The following CYP26B1 variants were observed in gnomAD, a reference collection of about 807,000 sequenced individuals.
CYP26B1 encodes the protein cytochrome P450 family 26 subfamily B member 1, also known as cytochrome P450 26B1.
A neutral mutation model predicts 39.1 loss-of-function variants in CYP26B1; 8 were observed. The ratio of observed to expected loss-of-function variants is 0.20; its 90% confidence interval spans 0.12 to 0.37. The LOEUF (loss-of-function observed/expected upper bound fraction) is 0.37, where lower values mean the gene tolerates loss of function less well. Ranked by LOEUF, CYP26B1 falls within the 10% of genes least tolerant of loss-of-function variation. The pLI is 1.00. For synonymous variants in CYP26B1, 321 were observed against 314.3 expected (o/e 1.02, Z -0.23); for missense variants, 615 against 707.0 (o/e 0.87, Z 1.48).
chr2:72,140,179 G>A (rs1304172557), intron 2 of CYP26B1, among the ~76,000 whole-genome samples: 1 of 152,184 alleles, frequency 6.6e-6, no homozygotes, highest in Non-Finnish European at 1.5e-5. Context: ...TTGGGAGAAG[G>A]ACACAGAAAG....
chr2:72,147,758 A>C lies in CYP26B1; in HGVS notation c.77T>G (p.Leu26Arg). 1 of 1,585,462 alleles carries C rather than the reference A, an allele frequency of 6.3e-7. No individual in the cohort carries two copies. Among genetic ancestry groups the C allele is most frequent in the Non-Finnish European group, 8.6e-7 (1 of 1,166,838 alleles). Residue 26 changes from leucine (L) to arginine (R), a missense_variant, in exon 1 of 6, where the codon CTG becomes CGG. Leu to Arg is a moderately radical substitution (Grantham distance 102). Coordinates refer to ENST00000001146, the MANE Select transcript of CYP26B1 (RefSeq NM_019885.4). This position sits in a 1 kb window ranked among gnomAD's most constrained non-coding sequence, Gnocchi z 6.1. ...AACLVSVTLLLAVSQQLWQLR... is the reference protein window; with the variant it reads ...AACLVSVTLLRAVSQQLWQLR... ...CTGCCACAGCTGCTGCGACACGGCC[A>C]GCAGCAGCGTCACGGACACCAGGCA...
chr2:72,131,146 G>A lies in CYP26B1; in HGVS notation c.*1081C>T, dbSNP rs10181341. 0.066 allele frequency: 10,058 copies of A among 152,706 alleles called. 401 individuals carry two copies. Among genetic ancestry groups the A allele is most frequent in the Non-Finnish European group, 0.073 (4,935 of 68,068 alleles). The allele number at this position is 152,706 out of a possible 1,614,324, so 9.5% of individuals were successfully genotyped here. On this transcript the variant is annotated 3_prime_UTR_variant, in exon 6 of 6. Transcript: ENST00000001146. ...AGGGGCCAAACAGGAAATCGTGGCC[G>A]CCTCCAAATCTACCTGATCAGGGTT...
intron 1 of CYP26B1, among the ~76,000 whole-genome samples, chr2:72,146,168 G>A (rs1365740009): frequency 6.6e-6 from 1 of 152,162 alleles, no homozygotes; most frequent in Non-Finnish European, 1.5e-5. Flanking sequence ...CCTGAGGGGG[G>A]GCAGAGAGGT....
In CYP26B1 at chr2:72,132,226, G is replaced by T; in HGVS notation, c.*1C>A. On this transcript the variant is annotated 3_prime_UTR_variant, in exon 6 of 6. Transcript: ENST00000001146. ...CTGGGCTGAGGCGGGTGGGTCTTGG[G>T]TTAGACTGTGGCGCTCAGCATGGCC... 6.3e-7 allele frequency: 1 copy of T among 1,597,818 alleles called. No homozygotes were observed. Among genetic ancestry groups the T allele is most frequent in the Non-Finnish European group, 8.5e-7 (1 of 1,172,698 alleles).
At chr2:72,133,724 G>C (rs902178862) in intron 4 of CYP26B1, among the ~76,000 whole-genome samples, 57 of 152,302 alleles carry the variant, frequency 3.7e-4, no homozygotes, top group African/African-American at 1.3e-3. Flanking sequence ...GTCTAAACCC[G>C]GGCCTTCCCA....
chr2:72,139,783 G>A (rs1220881367), intron 2 of CYP26B1, among the ~76,000 whole-genome samples: 1 of 152,242 alleles, frequency 6.6e-6, no homozygotes, highest in East Asian at 1.9e-4. Flanking sequence ...ACAGTCCAGA[G>A]CGTGGCTGGC....
chr2:72,144,331 A>C (rs1677053134), intron 1 of CYP26B1, 118 bp from the exon 2 acceptor site: 1 of 1,481,430 alleles, frequency 6.8e-7, no homozygotes, highest in African/African-American at 1.4e-5. Flanking sequence ...CACCAAACAC[A>C]CTCACACAGA....
At position 72,144,593 on chromosome 2, in the gene CYP26B1, C is replaced by A. The variant is rs908582777; in HGVS notation, c.205-380G>T. 5 of 778,722 alleles carry A rather than the reference C, an allele frequency of 6.4e-6. No homozygotes were observed. The East Asian group carries it at 3.8e-4, about 60-fold the overall frequency. 48.2% of individuals were successfully genotyped at this position (778,722 alleles called of 1,614,324 possible). ...GGAATAAATATTTCCAGGCTCCGGG[C>A]CACGGGCTGGCGAGACCCCGCGGGG... On this transcript the variant is annotated intron_variant, in intron 1 of 5. Coordinates refer to ENST00000001146, the MANE Select transcript of CYP26B1 (RefSeq NM_019885.4).
chr2:72,135,665 G>T (rs1300216645), intron 2 of CYP26B1, among the ~76,000 whole-genome samples: 1 of 152,172 alleles, frequency 6.6e-6, no homozygotes, highest in African/African-American at 2.4e-5. Flanking sequence ...AGCCCATTTC[G>T]GAATCCCGGG....
Position 72,147,849 on chromosome 2 carries a change from G to C in CYP26B1, c.-15C>G, listed in dbSNP as rs773772313. ...TCAAAGAGCATGTTGGCGGCCGCTC[G>C]GGGGATTGGCTGTGCCGGCCGCGGC... On this transcript the variant is annotated 5_prime_UTR_variant, in exon 1 of 6. Coordinates refer to ENST00000001146, the MANE Select transcript of CYP26B1 (RefSeq NM_019885.4). This position sits in a 1 kb window ranked among gnomAD's most constrained non-coding sequence, Gnocchi z 6.1. 5 of 1,516,272 alleles carry C rather than the reference G, an allele frequency of 3.3e-6. No homozygotes were observed. Among genetic ancestry groups the C allele is most frequent in the Admixed American group, 4.0e-5 (2 of 49,480 alleles). The allele number at this position is 1,516,272 out of a possible 1,614,324, so 93.9% of individuals were successfully genotyped here. A position where few individuals can be genotyped will look rare whatever the true frequency, so the allele number is the denominator to read the frequency against.
chr2:72,132,589 T>G lies in CYP26B1; in HGVS notation c.1177A>C (p.Met393Leu), dbSNP rs1206134664. 6.2e-7 allele frequency: 1 copy of G among 1,611,770 alleles called. No homozygotes were observed. Among genetic ancestry groups the G allele is most frequent in the South Asian group, 1.1e-5 (1 of 90,638 alleles). Residue 393 changes from methionine to leucine, a missense_variant, in exon 6 of 6, where the codon ATG (methionine) becomes CTG (leucine). Transcript: ENST00000001146. Reference sequence around the variant, plus strand: ...TCATGGGTGTCCCGGATGCTATACATGACACTCCAGCCTTTGGGGATCTGG... The same window carrying G: ...TCATGGGTGTCCCGGATGCTATACAGGACACTCCAGCCTTTGGGGATCTGG... The part of the protein sequence containing the change: ...GFQIPKGWSV[M>L]YSIRDTHDTA...
rs1008317843 is a variant in CYP26B1, at chr2:72,135,494, C to T, written c.430-75G>A. The T allele has an allele frequency of 1.2e-4, 195 of 1,583,438 alleles. 1 individual carries two copies. The highest frequency in any genetic ancestry group is 1.9e-4 in the Middle Eastern group (1 of 5,244). ...TGGCCAGCCCCTCACTCTGCCTGAACAATGAATGTGACTGGAGAGAACTTC... is the reference window on the plus strand; with the variant it reads ...TGGCCAGCCCCTCACTCTGCCTGAATAATGAATGTGACTGGAGAGAACTTC... On this transcript the variant is annotated intron_variant, in intron 2 of 5. Transcript: ENST00000001146.
Position 72,138,287 on chromosome 2 carries a change from C to T in CYP26B1, c.430-2868G>A, listed in dbSNP as rs3754531. ...TAACAACACAGGCACTTCCCAAAGC[C>T]GGGGCAGCTCTGAAACCACCGCCCA... On this transcript the variant is annotated intron_variant, in intron 2 of 5. Coordinates refer to ENST00000001146, the MANE Select transcript of CYP26B1 (RefSeq NM_019885.4). Among the ~76,000 whole-genome samples, 87 of 152,282 alleles carry T rather than the reference C, an allele frequency of 5.7e-4. No homozygotes were observed. In the East Asian group the frequency reaches 8.5e-3, roughly 15 times the overall value.
At position 72,132,139 on chromosome 2, in the gene CYP26B1, C is replaced by T. The variant is rs763591399; in HGVS notation, c.*88G>A. 17 of 1,461,834 alleles carry T rather than the reference C, an allele frequency of 1.2e-5. No individual in the cohort carries two copies. The highest frequency in any genetic ancestry group is 1.5e-5 in the Non-Finnish European group (16 of 1,072,660). The allele number at this position is 1,461,834 out of a possible 1,614,324, so 90.6% of individuals were successfully genotyped here. On this transcript the variant is annotated 3_prime_UTR_variant, in exon 6 of 6. Coordinates refer to ENST00000001146, the MANE Select transcript of CYP26B1 (RefSeq NM_019885.4). Reference sequence around the variant, plus strand: ...AAGTATGGGGGCCACTCGCCCTCCCCGTTCCGGCCCCCTCCCACACACAGG... The same window carrying T: ...AAGTATGGGGGCCACTCGCCCTCCCTGTTCCGGCCCCCTCCCACACACAGG...
At chr2:72,142,112 T>C (rs1348298655) in intron 2 of CYP26B1, among the ~76,000 whole-genome samples, 1 of 106,900 alleles carries the variant, frequency 9.4e-6, no homozygotes, top group African/African-American at 3.6e-5. Context: ...ACCGCATTCC[T>C]GAGGCGGGTC....
intron 1 of CYP26B1, among the ~76,000 whole-genome samples, chr2:72,145,473 C>T (rs1367929548): frequency 6.6e-6 from 1 of 152,154 alleles, no homozygotes; most frequent in African/African-American, 2.4e-5. Context: ...GATAATTCCC[C>T]CTGCCGTGCA....
rs745709853 is a variant in CYP26B1 at position 72,135,158 on chromosome 2, T to A, written c.691A>T (p.Ser231Cys). Residue 231 changes from serine (S) to cysteine (C), a missense_variant, in exon 3 of 6, where the codon AGT (serine) becomes TGT (cysteine). By Grantham distance (112) the Ser-to-Cys change is moderately radical. Transcript: ENST00000001146. ...VFSLPVDLPF[S>C]GYRRGIQARQ... ...TGGGTGCTCACCCGCCGGTAGCCACTGAAGGGCAGGTCGACAGGCAGGGAG... is the reference window on the plus strand; with the variant it reads ...TGGGTGCTCACCCGCCGGTAGCCACAGAAGGGCAGGTCGACAGGCAGGGAG... 1.2e-6 allele frequency: 2 copies of A among 1,613,752 alleles called. No homozygotes were observed. Among genetic ancestry groups the A allele is most frequent in the Non-Finnish European group, 1.7e-6 (2 of 1,180,030 alleles).
At chr2:72,133,620 C>T (rs1676666060) in intron 4 of CYP26B1, among the ~76,000 whole-genome samples, 1 of 152,240 alleles carries the variant, frequency 6.6e-6, no homozygotes, top group Non-Finnish European at 1.5e-5. Context: ...CCCCACAGGC[C>T]TGATATGCAG....
At chr2:72,136,731 C>G (rs1039594371) in intron 2 of CYP26B1, among the ~76,000 whole-genome samples, 4 of 152,204 alleles carry the variant, frequency 2.6e-5, no homozygotes, top group African/African-American at 7.2e-5. Context: ...CCAGGGGACT[C>G]TAACTACTGC....
Sources: allele counts gnomAD v4.1 joint callset (sites outside exome capture counted in the v4.1 genomes callset), GRCh38; gene constraint gnomAD v4.1.1; non-coding constraint Gnocchi (gnomAD v3.1); transcripts MANE v1.5; gene names NCBI Gene and HGNC (gene_info 2026-07-23, HGNC 2026-07-21).